The following CCDC38 variants were observed in gnomAD, a reference collection of about 807,000 sequenced individuals.
The protein encoded by CCDC38 is coiled-coil domain containing 38.
Under a neutral mutation model 72.8 loss-of-function variants are expected in CCDC38, and 69 were observed. The ratio of observed to expected loss-of-function variants is 0.95; its 90% confidence interval spans 0.78 to 1.16. The LOEUF is 1.16. CCDC38 is among the 50% of genes most tolerant of loss of function. The pLI is 0.00. For synonymous variants in CCDC38, 201 were observed against 213.2 expected (o/e 0.94, Z 0.50); for missense variants, 626 against 638.9 (o/e 0.98, Z 0.22).
In CCDC38 at chr12:95,869,576, G is replaced by T; in HGVS notation, c.1485-3C>A. 6.2e-7 allele frequency: 1 copy of T among 1,607,006 alleles called. No individual in the cohort carries two copies. ...CTTTCATTTTCTCATCACGAAACCT[G>T]TCACAAGAAGGGAGAAACATTCTTG... On this transcript the variant is annotated splice_region_variant and splice_polypyrimidine_tract_variant and intron_variant, in intron 14 of 15. Transcript: ENST00000344280.
chr12:95,928,612 G>A (rs866767056), intron 2 of CCDC38, among the ~76,000 whole-genome samples: 30 of 152,168 alleles, frequency 2.0e-4, no homozygotes, highest in African/African-American at 6.0e-4. Flanking sequence ...GAGGAGAGGC[G>A]CTCTGCTTTT....
intron 5 of CCDC38, among the ~76,000 whole-genome samples, chr12:95,902,724 T>A (rs2079963033): frequency 6.6e-6 from 1 of 152,182 alleles, no homozygotes; most frequent in Non-Finnish European, 1.5e-5. Flanking sequence ...AGGAGTGGAA[T>A]GGCTATAAAT....
intron 14 of CCDC38, among the ~76,000 whole-genome samples, chr12:95,871,664 T>G (rs1034008057): frequency 1.4e-4 from 4 of 29,568 alleles, no homozygotes; most frequent in Non-Finnish European, 3.5e-4. Flanking sequence ...CTCATGAGGT[T>G]GTCTTGAGGA....
chr12:95,872,203 T>A lies in CCDC38; in HGVS notation c.1484+52A>T. 1.9e-6 allele frequency: 3 copies of A among 1,540,502 alleles called. No individual in the cohort carries two copies. The Admixed American group carries it at 5.1e-5, about 26-fold the overall frequency. On this transcript the variant is annotated intron_variant, in intron 14 of 15. Coordinates refer to ENST00000344280, the MANE Select transcript of CCDC38 (RefSeq NM_182496.3). ...GAGACTTGCTAATGTGTTTGTGGAA[T>A]CTGAGCAAAACCAGCTACTCATTAA...
chr12:95,920,837 A>C (rs1411168128), intron 2 of CCDC38, among the ~76,000 whole-genome samples: 3 of 152,158 alleles, frequency 2.0e-5, no homozygotes, highest in Non-Finnish European at 2.9e-5. Context: ...GCCATTAAAA[A>C]AGCAAAAGAG....
intron 2 of CCDC38, 21 bp from the exon 3 acceptor site, chr12:95,918,997 A>C: frequency 7.1e-7 from 1 of 1,415,442 alleles, no homozygotes; most frequent in Non-Finnish European, 1.0e-6. Context: ...AGAAAGAATG[A>C]ATGAATGAAT....
chr12:95,920,670 G>A (rs2080195197), intron 2 of CCDC38, among the ~76,000 whole-genome samples: 1 of 152,030 alleles, frequency 6.6e-6, no homozygotes, highest in Non-Finnish European at 1.5e-5. Flanking sequence ...GAGATAGAAA[G>A]TAGGTGAGTA....
At chr12:95,923,031 A>C (rs1381480341) in intron 2 of CCDC38, among the ~76,000 whole-genome samples, 1 of 152,052 alleles carries the variant, frequency 6.6e-6, no homozygotes, top group Non-Finnish European at 1.5e-5. Flanking sequence ...CAATCTCTTG[A>C]GGGTCTGAGT....
At chr12:95,923,009 G>A (rs1236583353) in intron 2 of CCDC38, among the ~76,000 whole-genome samples, 1 of 152,138 alleles carries the variant, frequency 6.6e-6, no homozygotes, top group Admixed American at 6.5e-5. Context: ...ATCCATGTGG[G>A]TGAGTCTCGT....
At chr12:95,930,833 A>G (rs2080329685) in intron 2 of CCDC38, among the ~76,000 whole-genome samples, 1 of 152,142 alleles carries the variant, frequency 6.6e-6, no homozygotes, top group African/African-American at 2.4e-5. Flanking sequence ...CATTTTAGCA[A>G]TAAGGGGTCT....
chr12:95,911,489 C>A (rs1393594971), intron 4 of CCDC38, among the ~76,000 whole-genome samples: 1 of 152,106 alleles, frequency 6.6e-6, no homozygotes, highest in Non-Finnish European at 1.5e-5. Flanking sequence ...TATTCGCAAC[C>A]TTTGTCAAAG....
At chr12:95,923,893 T>C (rs1158712611) in intron 2 of CCDC38, among the ~76,000 whole-genome samples, 2 of 142,370 alleles carry the variant, frequency 1.4e-5, no homozygotes, top group Non-Finnish European at 3.0e-5. Flanking sequence ...TATGGCTGCA[T>C]AGTATTCCAT....
chr12:95,896,168 T>A (rs1337394193), intron 7 of CCDC38, among the ~76,000 whole-genome samples: 2 of 151,398 alleles, frequency 1.3e-5, no homozygotes, highest in Non-Finnish European at 2.9e-5. Context: ...ACTACAGACA[T>A]AGGCTGATCC....
At chr12:95,867,220 A>T in intron 15 of CCDC38, 31 bp from the exon 16 acceptor site, 4 of 1,211,124 alleles carry the variant, frequency 3.3e-6, no homozygotes, top group Non-Finnish European at 4.8e-6. Flanking sequence ...AATACTTAAT[A>T]TTTTTTGAGC....
At position 95,881,539 on chromosome 12, in the gene CCDC38, G is replaced by A. The variant is rs375290686; in HGVS notation, c.936C>T (p.Phe312=). ...EKKKSNLAES[F]GSEDSLEFLL... is the part of the protein sequence containing the mutation. ...GGAATTCCAAACTGTCTTCTGAACC[G>A]AAACTTTCAGCCAGGCTGTAAAAGA... Residue 312 remains phenylalanine (F), a synonymous_variant, in exon 11 of 16, where the codon TTC becomes TTT. Coordinates refer to ENST00000344280, the MANE Select transcript of CCDC38 (RefSeq NM_182496.3). 9.4e-5 allele frequency: 151 copies of A among 1,607,586 alleles called. 1 individual carries two copies. The African/African-American group carries it at 1.6e-3, about 17-fold the overall frequency.
At position 95,910,758 on chromosome 12, in the gene CCDC38, C is replaced by T. The variant is rs149669602; in HGVS notation, c.305-4307G>A. On this transcript the variant is annotated intron_variant, in intron 4 of 15. Transcript: ENST00000344280. The stretch of plus-strand genomic sequence containing the variant: ...GCGTGCCTATAGTCCTAGCCTCTCA[C>T]AGGACTAAGCCAGGAGGATTGCTTG... Among the ~76,000 whole-genome samples the T allele has an allele frequency of 1.7e-4, 26 of 152,222 alleles. No homozygotes were observed. The East Asian group carries it at 4.8e-3, about 28-fold the overall frequency.
intron 3 of CCDC38, 91 bp from the exon 4 acceptor site, chr12:95,917,385 A>G: frequency 9.0e-7 from 1 of 1,105,706 alleles, no homozygotes; most frequent in Non-Finnish European, 1.3e-6. Flanking sequence ...AACATTTGCA[A>G]CAAAAATCTT....
chr12:95,919,343 G>T (rs2080178894), intron 2 of CCDC38: 1 of 373,702 alleles, frequency 2.7e-6, no homozygotes, highest in Non-Finnish European at 5.3e-6. Flanking sequence ...GCACTCAGCA[G>T]TGTATGAGTG....
chr12:95,884,013 C>T (rs2079729755), intron 10 of CCDC38, among the ~76,000 whole-genome samples: 1 of 152,154 alleles, frequency 6.6e-6, no homozygotes, highest in Non-Finnish European at 1.5e-5. Context: ...AAACTGAATC[C>T]TTTCAAGACT....
Sources: gnomAD v4.1 joint callset for allele counts (sites outside exome capture counted in the v4.1 genomes callset) on GRCh38, gnomAD v4.1.1 for gene constraint, MANE v1.5 for transcripts, NCBI Gene and HGNC (gene_info 2026-07-23, HGNC 2026-07-21) for gene names.